Variants in WASF1 observed in about 807,000 individuals in gnomAD.
WASF1 encodes the protein WASP family member 1.
A neutral mutation model predicts 50.5 loss-of-function variants in WASF1; 7 were observed. The ratio of observed to expected loss-of-function variants is 0.14; its 90% CI spans 0.08 to 0.26. The LOEUF is 0.26. WASF1 is among the 10% of genes least tolerant of loss of function. The pLI is 1.00. For missense variants in WASF1, 470 were observed against 694.7 expected (o/e 0.68, Z 3.64); for synonymous variants, 205 against 244.0 (o/e 0.84, Z 1.49).
At position 110,100,476 on chromosome 6, in the gene WASF1, A is replaced by G. The variant is rs779531535; in HGVS notation, c.*46T>C. The G allele has an allele frequency of 5.8e-6, 9 of 1,551,530 alleles. No individual in the cohort carries two copies. Among genetic ancestry groups the G allele is most frequent in the Non-Finnish European group, 7.9e-6 (9 of 1,142,346 alleles). ...ACATTTTCAAGGAACAAGCACCACA[A>G]AGGACATTTGCATTCAGTTTTGTAA... On this transcript the variant is annotated 3_prime_UTR_variant, in exon 11 of 11. Coordinates refer to ENST00000392589, the MANE Select transcript of WASF1 (RefSeq NM_003931.3).
At chr6:110,135,945 G>A (rs1240282530) in intron 3 of WASF1, among the ~76,000 whole-genome samples, 10 of 140,096 alleles carry the variant, frequency 7.1e-5, no homozygotes, top group South Asian at 2.3e-4. Flanking sequence ...GTGCAGTGGC[G>A]CAATCTCAAC....
chr6:110,110,500 G>A (rs1773508407), intron 5 of WASF1, among the ~76,000 whole-genome samples: 1 of 152,160 alleles, frequency 6.6e-6, no homozygotes, highest in African/African-American at 2.4e-5. Context: ...GGTAAAGGAT[G>A]TAAGAAACAT....
intron 3 of WASF1, among the ~76,000 whole-genome samples, chr6:110,133,125 CT>C (rs1338238612): frequency 2.0e-5 from 3 of 151,962 alleles, no homozygotes; most frequent in Non-Finnish European, 4.4e-5. Flanking sequence ...ACTCACTTTT[CT>C]TTATCCACTT....
At chr6:110,136,828 T>C (rs1167444551) in intron 3 of WASF1, among the ~76,000 whole-genome samples, 1 of 152,216 alleles carries the variant, frequency 6.6e-6, no homozygotes, top group Non-Finnish European at 1.5e-5. Flanking sequence ...GCCCAAGATA[T>C]TCTACTTGCC....
intron 3 of WASF1, among the ~76,000 whole-genome samples, chr6:110,159,978 G>A (rs973785590): frequency 1.2e-4 from 18 of 151,782 alleles, no homozygotes; most frequent in African/African-American, 4.3e-4. Context: ...AAGAACAATG[G>A]CTTCAGCAAT....
chr6:110,155,440 G>GA (rs1223766736), intron 3 of WASF1, among the ~76,000 whole-genome samples: 4 of 139,266 alleles, frequency 2.9e-5, no homozygotes, highest in African/African-American at 5.2e-5. Flanking sequence ...AATTTGAACA[G>GA]AAAAAAAATC....
chr6:110,124,191 G>GTCTC lies in WASF1; in HGVS notation c.133+3274_133+3277dup, dbSNP rs759865889. 2.0e-3 allele frequency among the ~76,000 whole-genome samples: 182 copies of GTCTC among 91,270 alleles called. 2 individuals carry two copies. The highest frequency in any genetic ancestry group is 3.0e-3 in the Non-Finnish European group (146 of 48,468). The allele number at this position is 91,270 out of a possible 152,430, so 59.9% of individuals were successfully genotyped here. ...AAATAGGGAACCCAGCCCCATCAGC[G>GTCTC]TCTCTCTCTCTCTCTCTCTCTCTCT... On this transcript the variant is annotated intron_variant, in intron 4 of 10. Coordinates refer to ENST00000392589, the MANE Select transcript of WASF1 (RefSeq NM_003931.3).
intron 8 of WASF1, 56 bp from the exon 9 acceptor site, chr6:110,103,613 T>C: frequency 6.9e-7 from 1 of 1,449,226 alleles, no homozygotes; most frequent in Non-Finnish European, 9.3e-7. Flanking sequence ...GAGGAAAGGG[T>C]TCTACATGAG....
chr6:110,132,482 T>C (rs1445033607), intron 3 of WASF1, among the ~76,000 whole-genome samples: 4 of 151,976 alleles, frequency 2.6e-5, no homozygotes, highest in African/African-American at 9.7e-5. Flanking sequence ...ACGGTTTTTT[T>C]TGTGGTTATT....
chr6:110,120,567 T>C (rs533172926), intron 4 of WASF1, among the ~76,000 whole-genome samples: 22 of 150,330 alleles, frequency 1.5e-4, no homozygotes, highest in African/African-American at 2.5e-4. Flanking sequence ...ACATTCCATG[T>C]TCATGGATAG....
chr6:110,167,518 C>T (rs761186810), intron 2 of WASF1, among the ~76,000 whole-genome samples: 1 of 151,982 alleles, frequency 6.6e-6, no homozygotes, highest in Non-Finnish European at 1.5e-5. Flanking sequence ...TTTGCTAGTG[C>T]ATCCTTTTCT....
At chr6:110,161,325 G>T (rs190445673) in intron 2 of WASF1, among the ~76,000 whole-genome samples, 27 of 151,426 alleles carry the variant, frequency 1.8e-4, no homozygotes, top group Non-Finnish European at 3.8e-4. Flanking sequence ...GTTCTTAGGA[G>T]GGAGGAACTA....
chr6:110,169,428 A>C (rs1562191199), intron 2 of WASF1, among the ~76,000 whole-genome samples: 1 of 152,166 alleles, frequency 6.6e-6, no homozygotes, highest in East Asian at 1.9e-4. Flanking sequence ...CTTTAAATTA[A>C]AGCAAAGTAC....
intron 7 of WASF1, among the ~76,000 whole-genome samples, chr6:110,106,129 G>A (rs1773312483): frequency 6.6e-6 from 1 of 152,072 alleles, no homozygotes; most frequent in Non-Finnish European, 1.5e-5. Context: ...GTACAGAAAG[G>A]GCTAGAGTAA....
chr6:110,112,568 A>G (rs1268210284), intron 5 of WASF1, among the ~76,000 whole-genome samples: 1 of 152,200 alleles, frequency 6.6e-6, no homozygotes, highest in Non-Finnish European at 1.5e-5. Flanking sequence ...TTAAATAACT[A>G]ATAAGACTTT....
chr6:110,149,397 G>C (rs896257567), intron 3 of WASF1, among the ~76,000 whole-genome samples: 2 of 150,220 alleles, frequency 1.3e-5, no homozygotes, highest in African/African-American at 4.9e-5. Context: ...CAATATTCCT[G>C]GCATTTCACC....
At chr6:110,119,897 A>C (rs1407387021) in intron 4 of WASF1, among the ~76,000 whole-genome samples, 1 of 152,210 alleles carries the variant, frequency 6.6e-6, no homozygotes, top group Non-Finnish European at 1.5e-5. Context: ...TATGCAAATC[A>C]ATAAACGTAA....
chr6:110,116,281 G>C (rs1451827689), intron 4 of WASF1, among the ~76,000 whole-genome samples: 1 of 152,198 alleles, frequency 6.6e-6, no homozygotes, highest in Non-Finnish European at 1.5e-5. Flanking sequence ...TCCTAGCCAA[G>C]GGAAGCTGTG....
intron 6 of WASF1, 57 bp from the exon 7 acceptor site, chr6:110,107,251 A>G (rs1269807138): frequency 1.7e-6 from 2 of 1,149,246 alleles, no homozygotes; most frequent in East Asian, 2.5e-5. Context: ...CAATCAGAAT[A>G]GAAATAATTT....
Sources: gnomAD v4.1 joint callset for allele counts (sites outside exome capture counted in the v4.1 genomes callset) on GRCh38, gnomAD v4.1.1 for gene constraint, MANE v1.5 for transcripts, NCBI Gene and HGNC (gene_info 2026-07-23, HGNC 2026-07-21) for gene names.